The following RASSF4 variants were observed in gnomAD, a reference collection of about 807,000 sequenced individuals.
The protein encoded by RASSF4 is ras association domain-containing protein 4.
A neutral mutation model predicts 41.1 loss-of-function variants in RASSF4; 38 were observed. That is an observed-to-expected ratio of 0.92 (90% CI 0.71 to 1.21). The LOEUF is 1.21. RASSF4 is among the 50% of genes most tolerant of loss of function. The probability of loss-of-function intolerance (pLI) is 0.00; values close to 1 mark genes in which losing one functional copy is unlikely to be tolerated. For missense variants in RASSF4, 414 were observed against 419.4 expected (o/e 0.99, Z 0.11); for synonymous variants, 179 against 163.4 (o/e 1.10, Z -0.73).
intron 3 of RASSF4, chr10:44,977,807 T>C: frequency 6.2e-7 from 1 of 1,601,228 alleles, no homozygotes; most frequent in South Asian, 1.1e-5. Context: ...AGGGCGGCCC[T>C]TCCGGCAGGC....
At chr10:44,975,911 C>T (rs890603301) in intron 3 of RASSF4, among the ~76,000 whole-genome samples, 1 of 151,992 alleles carries the variant, frequency 6.6e-6, no homozygotes, top group Non-Finnish European at 1.5e-5. Flanking sequence ...CCGGACTCTC[C>T]CTCTGACCCC....
rs1285666436 is a variant in RASSF4 at position 44,959,805 on chromosome 10, G to C, written c.-100G>C. 6.6e-6 allele frequency: 1 copy of C among 152,526 alleles called. No individual in the cohort carries two copies. The highest frequency in any genetic ancestry group is 1.9e-4 in the East Asian group (1 of 5,198). 9.4% of individuals were successfully genotyped at this position (152,526 alleles called of 1,614,324 possible). A position where few individuals can be genotyped will look rare whatever the true frequency, so the allele number is the denominator to read the frequency against. ...GGGGTCAGCAGGCGCTGCGGGCGCA[G>C]CTCCGGTGCAAGCGAGGACACGACA... On this transcript the variant is annotated 5_prime_UTR_variant, in exon 1 of 11. Transcript: ENST00000340258.
At chr10:44,990,271 G>T (rs1272575930) in intron 8 of RASSF4, among the ~76,000 whole-genome samples, 3 of 152,226 alleles carry the variant, frequency 2.0e-5, no homozygotes, top group African/African-American at 7.2e-5. Context: ...TACCCATTTA[G>T]GTTCACTGGC....
chr10:44,971,678 G>A, intron 2 of RASSF4, 95 bp from the exon 3 acceptor site: 1 of 959,116 alleles, frequency 1.0e-6, no homozygotes, highest in Non-Finnish European at 1.7e-6. Context: ...TCACACTCCT[G>A]TTACAAATGA....
rs552407713 is a variant in RASSF4 at position 44,986,255 on chromosome 10, C to T, written c.531+1285C>T. On this transcript the variant is annotated intron_variant, in intron 6 of 10. Coordinates refer to ENST00000340258, the MANE Select transcript of RASSF4 (RefSeq NM_032023.4). Reference sequence around the variant, plus strand: ...TGGTGGAGTTTAGCATTGGTACATTCGCTTCTCCTCGAAGGGTCTCATTCA... The same window carrying T: ...TGGTGGAGTTTAGCATTGGTACATTTGCTTCTCCTCGAAGGGTCTCATTCA... Among the ~76,000 whole-genome samples, 4 of 152,272 alleles carry T rather than the reference C, an allele frequency of 2.6e-5. No individual in the cohort carries two copies. The East Asian group carries it at 5.8e-4, about 22-fold the overall frequency.
intron 6 of RASSF4, among the ~76,000 whole-genome samples, chr10:44,986,984 G>A (rs1841941545): frequency 6.6e-6 from 1 of 152,182 alleles, no homozygotes; most frequent in Non-Finnish European, 1.5e-5. Context: ...GTAGCCAGGG[G>A]GCCTTTGTTC....
chr10:44,973,586 GAACCGAA>G (rs1387016978), intron 3 of RASSF4, among the ~76,000 whole-genome samples: 3 of 152,244 alleles, frequency 2.0e-5, no homozygotes, highest in African/African-American at 7.2e-5. Flanking sequence ...CCAGCCTGCT[GAACCGAA>G]AACACTTAGT....
At chr10:44,967,737 G>C (rs1840961034) in intron 1 of RASSF4, among the ~76,000 whole-genome samples, 1 of 152,152 alleles carries the variant, frequency 6.6e-6, no homozygotes, top group Non-Finnish European at 1.5e-5. Flanking sequence ...CTTATGCTTG[G>C]GGCTGGAAAC....
chr10:44,989,588 G>A, intron 7 of RASSF4, 82 bp from the exon 8 acceptor site: 2 of 1,245,280 alleles, frequency 1.6e-6, no homozygotes, highest in Admixed American at 1.7e-5. Context: ...GTTACTGGGG[G>A]TGTAGTTACT....
At chr10:44,965,694 C>T (rs1840875660) in intron 1 of RASSF4, among the ~76,000 whole-genome samples, 1 of 152,236 alleles carries the variant, frequency 6.6e-6, no homozygotes, top group Admixed American at 6.5e-5. Context: ...TGAGCCACCT[C>T]CCTTAGCTTT....
At chr10:44,967,248 C>T (rs990565093) in intron 1 of RASSF4, among the ~76,000 whole-genome samples, 1 of 152,170 alleles carries the variant, frequency 6.6e-6, no homozygotes, top group Non-Finnish European at 1.5e-5. Context: ...TGGGTCACCA[C>T]GGTGGAGACA....
chr10:44,981,343 C>G (rs980234938), intron 3 of RASSF4: 34 of 152,116 alleles, frequency 2.2e-4, no homozygotes, highest in African/African-American at 8.0e-4. Context: ...TGGAGAGTTG[C>G]TGTGCAGCTG....
chr10:44,973,097 C>T (rs1841249630), intron 3 of RASSF4, among the ~76,000 whole-genome samples: 1 of 152,194 alleles, frequency 6.6e-6, no homozygotes, highest in African/African-American at 2.4e-5. Flanking sequence ...TGGTACAAAC[C>T]TCACACTCTG....
At chr10:44,988,726 T>C (rs966409712) in intron 6 of RASSF4, among the ~76,000 whole-genome samples, 11 of 152,202 alleles carry the variant, frequency 7.2e-5, no homozygotes, top group Admixed American at 6.5e-4. Flanking sequence ...CGAGACTGTA[T>C]GGATGCAGCT....
intron 3 of RASSF4, among the ~76,000 whole-genome samples, chr10:44,975,605 G>A: frequency 7.8e-6 from 1 of 127,538 alleles, no homozygotes; most frequent in South Asian, 3.1e-4. Context: ...CCACCCCAGT[G>A]GCAAGAAGGA....
intron 1 of RASSF4, among the ~76,000 whole-genome samples, chr10:44,968,452 G>A: frequency 6.6e-6 from 1 of 152,290 alleles, no homozygotes; most frequent in East Asian, 1.9e-4. Context: ...TCTGGAGCAA[G>A]GCAGAGGGGA....
chr10:44,979,986 G>A (rs908442179), intron 3 of RASSF4, among the ~76,000 whole-genome samples: 3 of 152,106 alleles, frequency 2.0e-5, no homozygotes, highest in African/African-American at 7.2e-5. Context: ...GGCAGCCCCT[G>A]GGAAGCTCCT....
intron 1 of RASSF4, among the ~76,000 whole-genome samples, chr10:44,967,127 C>T (rs1447483468): frequency 6.6e-6 from 1 of 152,188 alleles, no homozygotes; most frequent in Non-Finnish European, 1.5e-5. Context: ...GTTTATTTCT[C>T]CCTCTCAGTC....
chr10:44,983,642 T>G (rs1841804846), intron 4 of RASSF4: 2 of 230,826 alleles, frequency 8.7e-6, no homozygotes, highest in Non-Finnish European at 1.7e-5. Flanking sequence ...AGGTGGCCCC[T>G]GCCTGACACC....
Sources: allele counts gnomAD v4.1 joint callset (sites outside exome capture counted in the v4.1 genomes callset), GRCh38; gene constraint gnomAD v4.1.1; transcripts MANE v1.5; gene names NCBI Gene and HGNC (gene_info 2026-07-23, HGNC 2026-07-21).